The following SRD5A2 variants were observed in gnomAD, a reference collection of about 807,000 sequenced individuals.
The protein encoded by SRD5A2 is steroid 5 alpha-reductase 2.
In SRD5A2, 30 loss-of-function variants were observed where a neutral mutation model predicts 27.4. The observed-to-expected ratio is 1.10, with a 90% confidence interval of 0.82 to 1.49. The LOEUF is 1.49. SRD5A2 is among the 40% of genes most tolerant of loss of function. The pLI is 0.00. For synonymous variants in SRD5A2, 141 were observed against 133.6 expected (o/e 1.06, Z -0.38); for missense variants, 348 against 323.4 (o/e 1.08, Z -0.58).
At chr2:31,528,900 G>A (rs1296448535) in intron 4 of SRD5A2, among the ~76,000 whole-genome samples, 2 of 152,194 alleles carry the variant, frequency 1.3e-5, no homozygotes, top group African/African-American at 2.4e-5. Context: ...AAATGGAAGC[G>A]GCTTCTTCCG....
intron 1 of SRD5A2, among the ~76,000 whole-genome samples, chr2:31,569,994 T>C (rs926442245): frequency 2.0e-5 from 3 of 152,130 alleles, no homozygotes; most frequent in South Asian, 2.1e-4. Flanking sequence ...CTCCAAAAAA[T>C]TGAGGAAGAG....
chr2:31,541,208 C>T (rs138066022), intron 1 of SRD5A2, among the ~76,000 whole-genome samples: 257 of 152,186 alleles, frequency 1.7e-3, no homozygotes, highest in Middle Eastern at 0.01. Flanking sequence ...TCAGGCTGAT[C>T]CTTGGCACAG....
In SRD5A2 at chr2:31,548,728, T is replaced by C. The variant is rs1054834332; in HGVS notation, c.282-14962A>G. On this transcript the variant is annotated intron_variant, in intron 1 of 4. Transcript: ENST00000622030. ...TTACTACATGACATAGCAAATCCAC[T>C]TCTGAATATGCATCTAAAAGAACTG... 2.6e-5 allele frequency among the ~76,000 whole-genome samples: 4 copies of C among 152,284 alleles called. No individual in the cohort carries two copies. The South Asian group carries it at 6.2e-4, about 24-fold the overall frequency.
chr2:31,619,834 T>C, the SRD5A2 span, among the ~76,000 whole-genome samples: 6 of 152,300 alleles, frequency 3.9e-5, no homozygotes. Context: ...ACATGCTGGA[T>C]ATTAGACCTT....
the SRD5A2 span, among the ~76,000 whole-genome samples, chr2:31,621,844 T>C: frequency 6.6e-6 from 1 of 152,136 alleles, no homozygotes; most frequent in African/African-American, 2.4e-5. Context: ...GATCTTGCTA[T>C]GTTGGCCAAG....
intron 1 of SRD5A2, among the ~76,000 whole-genome samples, chr2:31,546,277 G>A (rs2148075463): frequency 6.6e-6 from 1 of 151,934 alleles, no homozygotes; most frequent in Non-Finnish European, 1.5e-5. Context: ...AAAAAATATT[G>A]AGGACTCTCA....
chr2:31,583,488 T>C (rs1201613074), upstream of SRD5A2, among the ~76,000 whole-genome samples: 1 of 151,906 alleles, frequency 6.6e-6, no homozygotes, highest in African/African-American at 2.4e-5. Flanking sequence ...AAGTGCCCAA[T>C]TATAAATATA....
chr2:31,657,182 T>C, the SRD5A2 span, among the ~76,000 whole-genome samples: 1 of 152,230 alleles, frequency 6.6e-6, no homozygotes, highest in African/African-American at 2.4e-5. Context: ...AACCTGTCAA[T>C]ATTGGTTCTT....
At chr2:31,601,759 T>A in the SRD5A2 span, among the ~76,000 whole-genome samples, 1 of 152,026 alleles carries the variant, frequency 6.6e-6, no homozygotes, top group African/African-American at 2.4e-5. Context: ...GTTCAACATA[T>A]GCAAATCAAT....
Position 31,580,798 on chromosome 2 carries a change from TC to T in SRD5A2, c.102del (p.Lys35SerfsTer6). ...ALYVAKPSGY[G>X]KHTESLKPAA... is the part of the protein sequence containing the mutation. ...GCCGGCTTCAGGCTCTCCGTGTGCT[TC>T]CCGTAGCCGGAGGGCTTCGCGACGT... On this transcript the variant is annotated frameshift_variant, in exon 1 of 5. Transcript: ENST00000622030. LOFTEE classifies it high-confidence loss of function. 6.2e-7 allele frequency: 1 copy of T among 1,612,416 alleles called. No homozygotes were observed. The highest frequency in any genetic ancestry group is 1.1e-5 in the South Asian group (1 of 91,066).
chr2:31,562,908 C>T (rs911375917), intron 1 of SRD5A2, among the ~76,000 whole-genome samples: 72 of 152,272 alleles, frequency 4.7e-4, no homozygotes, highest in Non-Finnish European at 8.8e-4. Context: ...CTCAGCATAT[C>T]TCCCTCCTAC....
At chr2:31,631,485 T>TC in the SRD5A2 span, among the ~76,000 whole-genome samples, 4 of 151,262 alleles carry the variant, frequency 2.6e-5, no homozygotes, top group Admixed American at 6.6e-5. Context: ...TGGGAAACGT[T>TC]CCCCCCCAAG....
the SRD5A2 span, among the ~76,000 whole-genome samples, chr2:31,607,108 T>C: frequency 6.6e-6 from 1 of 152,010 alleles, no homozygotes; most frequent in East Asian, 1.9e-4. Flanking sequence ...AATTTAAAGA[T>C]ATGTCATTAG....
intron 1 of SRD5A2, among the ~76,000 whole-genome samples, chr2:31,541,739 C>T (rs1666133744): frequency 6.6e-6 from 1 of 152,166 alleles, no homozygotes; most frequent in South Asian, 2.1e-4. Context: ...CTGGCAGCAG[C>T]CACATAGCAC....
the SRD5A2 span, among the ~76,000 whole-genome samples, chr2:31,657,976 G>A: frequency 4.6e-5 from 7 of 152,022 alleles, no homozygotes; most frequent in South Asian, 4.1e-4. Context: ...AAAAAATACC[G>A]AACACAGGCT....
At chr2:31,595,814 T>C in the SRD5A2 span, among the ~76,000 whole-genome samples, 1 of 152,146 alleles carries the variant, frequency 6.6e-6, no homozygotes, top group Admixed American at 6.5e-5. Flanking sequence ...AACAAAATAC[T>C]AGCCAACAGA....
the SRD5A2 span, among the ~76,000 whole-genome samples, chr2:31,605,895 C>A: frequency 4.6e-5 from 7 of 151,800 alleles, no homozygotes; most frequent in Non-Finnish European, 8.8e-5. Flanking sequence ...TTAGAAGCAA[C>A]CTAAATGTCC....
the SRD5A2 span, among the ~76,000 whole-genome samples, chr2:31,627,374 G>T: frequency 6.6e-6 from 1 of 151,784 alleles, no homozygotes; most frequent in South Asian, 2.1e-4. Flanking sequence ...CTAGCTAGTG[G>T]TCTATCTTAT....
At chr2:31,546,833 A>T (rs906966552) in intron 1 of SRD5A2, among the ~76,000 whole-genome samples, 3 of 152,212 alleles carry the variant, frequency 2.0e-5, no homozygotes, top group Non-Finnish European at 4.4e-5. Flanking sequence ...ACAGTGGCTC[A>T]CACCTGTAAT....
Sources: allele counts gnomAD v4.1 joint callset (sites outside exome capture counted in the v4.1 genomes callset), GRCh38; gene constraint gnomAD v4.1.1; transcripts MANE v1.5; gene names NCBI Gene and HGNC (gene_info 2026-07-23, HGNC 2026-07-21).